The following ADAMTS12 variants were observed in gnomAD, a reference collection of about 807,000 sequenced individuals.
ADAMTS12 encodes the protein A disintegrin and metalloproteinase with thrombospondin motifs 12.
A neutral mutation model predicts 167.8 loss-of-function variants in ADAMTS12; 118 were observed. The observed-to-expected ratio is 0.70, with a 90% CI of 0.61 to 0.82. The LOEUF (loss-of-function observed/expected upper bound fraction) is 0.82, where lower values mean the gene tolerates loss of function less well. ADAMTS12 is among the 40% of genes least tolerant of loss of function. ADAMTS12 has a pLI of 0.00. For synonymous variants in ADAMTS12, 704 were observed against 716.9 expected (o/e 0.98, Z 0.29); for missense variants, 1,916 against 1,998.8 (o/e 0.96, Z 0.79).
intron 2 of ADAMTS12, among the ~76,000 whole-genome samples, chr5:33,827,751 A>G (rs1561294124): frequency 6.7e-6 from 1 of 148,760 alleles, no homozygotes; most frequent in African/African-American, 2.6e-5. Context: ...AGATAGATAG[A>G]TAGATAGATA....
intron 3 of ADAMTS12, among the ~76,000 whole-genome samples, chr5:33,724,665 T>C (rs554916548): frequency 1.5e-4 from 23 of 151,968 alleles, no homozygotes; most frequent in African/African-American, 5.1e-4. Context: ...CATTCTCCTG[T>C]CTCAGCCTCT....
chr5:33,546,303 A>C, intron 21 of ADAMTS12, 101 bp from the exon 22 acceptor site: 1 of 1,129,702 alleles, frequency 8.9e-7, no homozygotes, highest in Admixed American at 3.2e-5. Context: ...GTACAGTGTT[A>C]CTAGGAATAT....
At chr5:33,611,355 T>G (rs1738719546) in intron 16 of ADAMTS12, among the ~76,000 whole-genome samples, 1 of 152,074 alleles carries the variant, frequency 6.6e-6, no homozygotes, top group African/African-American at 2.4e-5. Flanking sequence ...TTTTTTGTCT[T>G]TAATAGTAAA....
chr5:33,888,622 T>C (rs1286044611), intron 1 of ADAMTS12, among the ~76,000 whole-genome samples: 2 of 152,170 alleles, frequency 1.3e-5, no homozygotes, highest in Non-Finnish European at 2.9e-5. Context: ...CTGGAGTTCA[T>C]CTCTAATATG....
chr5:33,726,209 A>G (rs2112344164), intron 3 of ADAMTS12, among the ~76,000 whole-genome samples: 1 of 152,314 alleles, frequency 6.6e-6, no homozygotes, highest in East Asian at 1.9e-4. Flanking sequence ...TCTGGTTGGA[A>G]GGGAAAGTGT....
At chr5:33,718,713 C>G (rs144775027) in intron 3 of ADAMTS12, among the ~76,000 whole-genome samples, 5 of 152,206 alleles carry the variant, frequency 3.3e-5, no homozygotes, top group African/African-American at 1.2e-4. Context: ...TAAATGAGGC[C>G]ACTTTCTGGG....
chr5:33,785,555 AT>A (rs1746297240), intron 2 of ADAMTS12, among the ~76,000 whole-genome samples: 1 of 152,158 alleles, frequency 6.6e-6, no homozygotes. Flanking sequence ...GCAAAGAAAT[AT>A]TGAAAAGATA....
chr5:33,816,363 A>G (rs755246856), intron 2 of ADAMTS12, among the ~76,000 whole-genome samples: 1 of 152,154 alleles, frequency 6.6e-6, no homozygotes, highest in Non-Finnish European at 1.5e-5. Context: ...GAAATGTACA[A>G]TACTCTGTTA....
chr5:33,575,981 A>G (rs1746684480), intron 19 of ADAMTS12, 73 bp downstream of exon 19: 1 of 1,525,078 alleles, frequency 6.6e-7, no homozygotes, highest in Non-Finnish European at 8.8e-7. Context: ...ACTCATTTTG[A>G]AATTTTCACA....
chr5:33,675,866 C>T (rs1281676052), intron 5 of ADAMTS12, among the ~76,000 whole-genome samples: 1 of 152,140 alleles, frequency 6.6e-6, no homozygotes, highest in African/African-American at 2.4e-5. Flanking sequence ...TAAATTGAGG[C>T]AGCCCTAAGC....
chr5:33,856,273 A>G lies in ADAMTS12; in HGVS notation c.489+24846T>C, dbSNP rs138290477. ...CCTCCCTGCACTGCTGTTTGAGACTAAATAACTCAGGCTTTGGAAAACATG... is the reference window on the plus strand; with the variant it reads ...CCTCCCTGCACTGCTGTTTGAGACTGAATAACTCAGGCTTTGGAAAACATG... On this transcript the variant is annotated intron_variant, in intron 2 of 23. Coordinates refer to ENST00000504830, the MANE Select transcript of ADAMTS12 (RefSeq NM_030955.4). Among the ~76,000 whole-genome samples, 224 of 152,312 alleles carry G rather than the reference A, an allele frequency of 1.5e-3. 2 individuals carry two copies. Among genetic ancestry groups the G allele is most frequent in the African/African-American group, 5.2e-3 (215 of 41,558 alleles).
At chr5:33,547,226 G>C (rs1745027744) in intron 21 of ADAMTS12, among the ~76,000 whole-genome samples, 1 of 152,066 alleles carries the variant, frequency 6.6e-6, no homozygotes. Flanking sequence ...GGAAAAGGGG[G>C]TCAAAAAAGT....
At chr5:33,610,454 T>C (rs960646795) in intron 16 of ADAMTS12, among the ~76,000 whole-genome samples, 1 of 152,134 alleles carries the variant, frequency 6.6e-6, no homozygotes, top group African/African-American at 2.4e-5. Context: ...CTCGAGCAGG[T>C]AGTAGACACA....
intron 14 of ADAMTS12, among the ~76,000 whole-genome samples, chr5:33,620,641 T>C (rs1739276136): frequency 1.3e-5 from 2 of 152,240 alleles, no homozygotes; most frequent in Admixed American, 6.5e-5. Flanking sequence ...CCTGTAAGTG[T>C]TTGTGTTCAT....
In ADAMTS12 at chr5:33,630,896, A is replaced by G. The variant is rs756692465; in HGVS notation, c.1906T>C (p.Tyr636His). 5.0e-6 allele frequency: 8 copies of G among 1,613,484 alleles called. No individual in the cohort carries two copies. Among genetic ancestry groups the G allele is most frequent in the Non-Finnish European group, 6.8e-6 (8 of 1,179,564 alleles). ...AACTGGCCATCTATGGGTCGGCAGT[A>G]GAGCTCACAAGGATGTGCTGAAGGG... ...IFNPAHPCEL[Y>H]CRPIDGQFSE... The change falls in exon 13 of 24, where the codon TAC (tyrosine) becomes CAC (histidine). Residue 636 changes from tyrosine to histidine, a missense_variant. Physicochemically the swap from Tyr to His is moderately conservative, Grantham distance 83. Transcript: ENST00000504830.
chr5:33,650,745 C>T (rs1365488237), intron 7 of ADAMTS12, among the ~76,000 whole-genome samples: 3 of 152,212 alleles, frequency 2.0e-5, no homozygotes, highest in East Asian at 1.9e-4. Flanking sequence ...TTATAAGCCA[C>T]GTTCTCAAGA....
chr5:33,632,396 A>AAAACAAACAAATAAACAAAC (rs1739985775), intron 12 of ADAMTS12, among the ~76,000 whole-genome samples: 1 of 151,084 alleles, frequency 6.6e-6, no homozygotes, highest in Admixed American at 6.6e-5. Flanking sequence ...CCTGAATCCA[A>AAAACAAACAAATAAACAAAC]AAACAAACAA....
chr5:33,768,164 T>C (rs1745612004), intron 2 of ADAMTS12, among the ~76,000 whole-genome samples: 1 of 152,206 alleles, frequency 6.6e-6, no homozygotes, highest in South Asian at 2.1e-4. Flanking sequence ...GAGGTCTCCA[T>C]GCTATGGAAG....
At chr5:33,665,343 T>G (rs1741428349) in intron 5 of ADAMTS12, among the ~76,000 whole-genome samples, 1 of 152,166 alleles carries the variant, frequency 6.6e-6, no homozygotes, top group African/African-American at 2.4e-5. Context: ...TTAATAACAA[T>G]GTACTGTACT....
Sources: gnomAD v4.1 joint callset for allele counts (sites outside exome capture counted in the v4.1 genomes callset) on GRCh38, gnomAD v4.1.1 for gene constraint, MANE v1.5 for transcripts, NCBI Gene and HGNC (gene_info 2026-07-23, HGNC 2026-07-21) for gene names.